Variants in ARMH3 observed in about 807,000 individuals in gnomAD.
ARMH3 encodes armadillo-like helical domain-containing protein 3.
In ARMH3, 60 loss-of-function variants were observed where a neutral mutation model predicts 99.1. The ratio of observed to expected loss-of-function variants is 0.61; its 90% CI spans 0.49 to 0.75. The LOEUF is 0.75. Among genes scored for constraint, ARMH3 ranks in the 30% least tolerant of loss-of-function variants. The pLI is 0.00. For synonymous variants in ARMH3, 285 were observed against 292.8 expected (o/e 0.97, Z 0.27); for missense variants, 679 against 843.1 (o/e 0.81, Z 2.41).
Position 101,849,904 on chromosome 10 carries a change from C to T in ARMH3, c.1861-12G>A. 6.2e-7 allele frequency: 1 copy of T among 1,610,932 alleles called. No individual in the cohort carries two copies. Among genetic ancestry groups the T allele is most frequent in the South Asian group, 1.1e-5 (1 of 91,016 alleles). The stretch of plus-strand genomic sequence containing the variant: ...ACCACCTCCAGCACCTGGAGGACAT[C>T]AAGGGCCAGGCAGGGCTTAGGCCAT... On this transcript the variant is annotated splice_polypyrimidine_tract_variant and intron_variant, in intron 24 of 25. Transcript: ENST00000370033.
At chr10:101,933,892 A>T (rs1843834131) in intron 23 of ARMH3, among the ~76,000 whole-genome samples, 1 of 152,204 alleles carries the variant, frequency 6.6e-6, no homozygotes, top group African/African-American at 2.4e-5. Context: ...TCACTAGACT[A>T]AGTTGCATCC....
intron 19 of ARMH3, 97 bp from the exon 20 acceptor site, chr10:101,975,397 A>G (rs1845950887): frequency 2.3e-6 from 2 of 873,848 alleles, no homozygotes; most frequent in Admixed American, 1.9e-5. Flanking sequence ...TAAGGCCACT[A>G]AAGACACTGG....
chr10:101,857,315 G>A (rs536260140), intron 24 of ARMH3, among the ~76,000 whole-genome samples: 3 of 152,208 alleles, frequency 2.0e-5, no homozygotes, highest in South Asian at 2.1e-4. Flanking sequence ...AAAATTTGCC[G>A]GGAGTGGTGG....
intron 24 of ARMH3, among the ~76,000 whole-genome samples, chr10:101,851,314 G>A (rs1463117719): frequency 6.6e-6 from 1 of 152,090 alleles, no homozygotes; most frequent in Admixed American, 6.5e-5. Context: ...TCAGGGGAGA[G>A]GCACTACACA....
At chr10:101,861,877 C>CAAAAAAAAAA (rs36095929) in intron 24 of ARMH3, among the ~76,000 whole-genome samples, 1 of 94,008 alleles carries the variant, frequency 1.1e-5, no homozygotes. Context: ...CTAAAAATAC[C>CAAAAAAAAAA]AAAAAAAAAA....
intron 8 of ARMH3, among the ~76,000 whole-genome samples, chr10:102,018,297 C>T (rs914676119): frequency 3.3e-5 from 5 of 152,274 alleles, no homozygotes; most frequent in Admixed American, 1.3e-4. Context: ...ATCTCAAAAA[C>T]CTATAAATCT....
Position 102,001,879 on chromosome 10 carries a change from T to C in ARMH3, c.1150+92A>G, listed in dbSNP as rs1323190160. Reference sequence around the variant, plus strand: ...TACACAAGGCCCCAATAGTTCATCTTGTCAAAGCTTCAAAATATTAATGTT... The same window carrying C: ...TACACAAGGCCCCAATAGTTCATCTCGTCAAAGCTTCAAAATATTAATGTT... On this transcript the variant is annotated intron_variant, in intron 15 of 25. Coordinates refer to ENST00000370033, the MANE Select transcript of ARMH3 (RefSeq NM_024541.3). The C allele has an allele frequency of 5.1e-6, 6 of 1,173,424 alleles. No homozygotes were observed. The East Asian group carries it at 9.4e-5, about 18-fold the overall frequency. The allele number at this position is 1,173,424 out of a possible 1,614,324, so 72.7% of individuals were successfully genotyped here.
chr10:101,889,522 C>T, intron 23 of ARMH3, 32 bp from the exon 24 acceptor site: 1 of 1,560,762 alleles, frequency 6.4e-7, no homozygotes, highest in Non-Finnish European at 8.8e-7. Flanking sequence ...AATATGGTGC[C>T]AGATAGAAGA....
intron 24 of ARMH3, among the ~76,000 whole-genome samples, chr10:101,886,742 G>A (rs2067557169): frequency 6.6e-6 from 1 of 152,074 alleles, no homozygotes; most frequent in African/African-American, 2.4e-5. Context: ...ATGTGTCTAG[G>A]GGTTGTCAGA....
intron 23 of ARMH3, among the ~76,000 whole-genome samples, chr10:101,926,617 T>C (rs1180608832): frequency 2.6e-5 from 4 of 152,116 alleles, no homozygotes; most frequent in Non-Finnish European, 5.9e-5. Flanking sequence ...AGATATAGAA[T>C]GGAAAAGAGA....
intron 24 of ARMH3, among the ~76,000 whole-genome samples, chr10:101,876,862 T>A (rs1466562526): frequency 2.0e-5 from 3 of 152,070 alleles, no homozygotes; most frequent in African/African-American, 7.2e-5. Flanking sequence ...AAAAGATAAT[T>A]CTTGGGTTAA....
intron 23 of ARMH3, among the ~76,000 whole-genome samples, chr10:101,914,487 CAA>C (rs60601721): frequency 2.7e-4 from 28 of 104,052 alleles, no homozygotes; most frequent in African/African-American, 2.1e-4. Flanking sequence ...GACTCTGTCT[CAA>C]AAAAAAAAAA....
At chr10:101,855,698 AAT>A (rs571801302) in intron 24 of ARMH3, among the ~76,000 whole-genome samples, 9 of 146,742 alleles carry the variant, frequency 6.1e-5, no homozygotes, top group Non-Finnish European at 7.5e-5. Context: ...GGTGTGAAAA[AAT>A]ATATATATAT....
intron 24 of ARMH3, among the ~76,000 whole-genome samples, chr10:101,888,783 T>A (rs778158341): frequency 3.3e-5 from 5 of 152,196 alleles, no homozygotes; most frequent in African/African-American, 4.8e-5. Flanking sequence ...TCAAGTTCAA[T>A]CCCATGCCAC....
chr10:101,883,636 G>A (rs1028015337), intron 24 of ARMH3, among the ~76,000 whole-genome samples: 2 of 151,980 alleles, frequency 1.3e-5, no homozygotes, highest in African/African-American at 4.8e-5. Flanking sequence ...ATTTAGTACA[G>A]ACAAAATGGT....
chr10:101,921,865 C>T (rs1324582180), intron 23 of ARMH3, among the ~76,000 whole-genome samples: 6 of 152,058 alleles, frequency 3.9e-5, no homozygotes, highest in Admixed American at 2.6e-4. Flanking sequence ...AAGAGAGGTT[C>T]GTTAATGGAT....
chr10:101,873,455 A>C (rs1418645822), intron 24 of ARMH3, among the ~76,000 whole-genome samples: 1 of 152,032 alleles, frequency 6.6e-6, no homozygotes, highest in Non-Finnish European at 1.5e-5. Context: ...CCAGCGTGGC[A>C]GTTTCTTTTT....
intron 2 of ARMH3, among the ~76,000 whole-genome samples, chr10:102,038,827 C>T (rs1485766114): frequency 6.6e-6 from 1 of 151,808 alleles, no homozygotes; most frequent in African/African-American, 2.4e-5. Context: ...GCAGCCTTGA[C>T]CTCCTGGGCT....
chr10:101,901,817 AAATAAAG>A (rs1483247344), intron 23 of ARMH3, among the ~76,000 whole-genome samples: 1 of 152,226 alleles, frequency 6.6e-6, no homozygotes, highest in Non-Finnish European at 1.5e-5. Context: ...ATCAAGAAGT[AAATAAAG>A]AATAAACAAG....
Sources: gnomAD v4.1 joint callset for allele counts (sites outside exome capture counted in the v4.1 genomes callset) on GRCh38, gnomAD v4.1.1 for gene constraint, MANE v1.5 for transcripts, NCBI Gene and HGNC (gene_info 2026-07-23, HGNC 2026-07-21) for gene names.